The following LRRTM4 variants were observed in gnomAD, a reference collection of about 807,000 sequenced individuals.
LRRTM4 encodes leucine-rich repeat transmembrane neuronal protein 4.
A neutral mutation model predicts 47.6 loss-of-function variants in LRRTM4; 25 were observed. The ratio of observed to expected loss-of-function variants is 0.53; its 90% CI spans 0.38 to 0.73. The LOEUF (loss-of-function observed/expected upper bound fraction) is 0.73. Ranked by LOEUF, LRRTM4 falls within the 30% of genes least tolerant of loss-of-function variation. LRRTM4 has a pLI of 0.00. For missense variants in LRRTM4, 638 were observed against 713.4 expected (o/e 0.89, Z 1.20); for synonymous variants, 311 against 269.5 (o/e 1.15, Z -1.51).
intron 3 of LRRTM4, among the ~76,000 whole-genome samples, chr2:77,115,323 T>A (rs998865891): frequency 3.9e-5 from 6 of 152,190 alleles, no homozygotes; most frequent in Admixed American, 3.3e-4. Context: ...CAGGGTGCAC[T>A]GGTTTCATAT....
At chr2:76,821,745 G>A (rs1384827330) in intron 3 of LRRTM4, among the ~76,000 whole-genome samples, 1 of 151,710 alleles carries the variant, frequency 6.6e-6, no homozygotes, top group Non-Finnish European at 1.5e-5. Context: ...ATCCCAGCAG[G>A]GGGAATGAAA....
At chr2:77,005,553 C>T (rs904816491) in intron 3 of LRRTM4, among the ~76,000 whole-genome samples, 11 of 152,136 alleles carry the variant, frequency 7.2e-5, no homozygotes, top group African/African-American at 2.4e-4. Flanking sequence ...TAATAATCCC[C>T]ACATGTCATG....
At chr2:77,119,634 C>T (rs750149835) in intron 3 of LRRTM4, among the ~76,000 whole-genome samples, 2 of 151,670 alleles carry the variant, frequency 1.3e-5, no homozygotes, top group East Asian at 3.9e-4. Context: ...AGCTTACTTC[C>T]TATAAACAAA....
At chr2:76,922,421 C>T (rs1348234086) in intron 3 of LRRTM4, among the ~76,000 whole-genome samples, 1 of 151,988 alleles carries the variant, frequency 6.6e-6, no homozygotes, top group Non-Finnish European at 1.5e-5. Flanking sequence ...ACAATCAGAT[C>T]TTATGAGAAC....
chr2:77,036,802 C>A (rs939436845), intron 3 of LRRTM4, among the ~76,000 whole-genome samples: 2 of 151,662 alleles, frequency 1.3e-5, no homozygotes, highest in Admixed American at 6.6e-5. Context: ...GTAACTGAAG[C>A]AAAAATGTGG....
intron 3 of LRRTM4, among the ~76,000 whole-genome samples, chr2:77,004,796 C>G (rs141982443): frequency 1.3e-5 from 2 of 152,284 alleles, no homozygotes; most frequent in African/African-American, 2.4e-5. Context: ...AGGAGCGAAG[C>G]TGCCCAAGGT....
At chr2:76,760,926 G>T (rs1388611223) in intron 3 of LRRTM4, among the ~76,000 whole-genome samples, 1 of 152,158 alleles carries the variant, frequency 6.6e-6, no homozygotes, top group Non-Finnish European at 1.5e-5. Flanking sequence ...TAGAGCAGTG[G>T]TTCTCAGTCC....
intron 3 of LRRTM4, among the ~76,000 whole-genome samples, chr2:77,515,778 T>G (rs1679183488): frequency 1.3e-5 from 2 of 151,838 alleles, no homozygotes; most frequent in Non-Finnish European, 2.9e-5. Flanking sequence ...GGCTCTATTT[T>G]GTAGAGAGAT....
At chr2:77,250,556 T>C (rs1312016348) in intron 3 of LRRTM4, among the ~76,000 whole-genome samples, 1 of 152,226 alleles carries the variant, frequency 6.6e-6, no homozygotes, top group Non-Finnish European at 1.5e-5. Context: ...AATTTATATG[T>C]ACATAAACAG....
chr2:76,759,914 C>A (rs1558635715), intron 3 of LRRTM4, among the ~76,000 whole-genome samples: 1 of 152,114 alleles, frequency 6.6e-6, no homozygotes, highest in Non-Finnish European at 1.5e-5. Context: ...TTCTTCATAG[C>A]ATTTTTTTAA....
In LRRTM4 at chr2:77,518,727, G is replaced by A. The variant is rs1679339807; in HGVS notation, c.1142C>T (p.Pro381Leu). 6.2e-7 allele frequency: 1 copy of A among 1,613,386 alleles called. No individual in the cohort carries two copies. The highest frequency in any genetic ancestry group is 2.2e-5 in the East Asian group (1 of 44,852). The change falls in exon 3 of 4, where the codon CCT (proline) becomes CTT (leucine). Residue 381 changes from proline to leucine, a missense_variant. Pro to Leu is a moderately conservative substitution (Grantham distance 98). Coordinates refer to ENST00000409884, the MANE Select transcript of LRRTM4 (RefSeq NM_001134745.3). Reference sequence around the variant, plus strand: ...GATGGTAGGTCTAGGGATAATCAGAGGTTTCTGGGGAGTTTGGGGCACCAG... The same window carrying A: ...GATGGTAGGTCTAGGGATAATCAGAAGTTTCTGGGGAGTTTGGGGCACCAG... The part of the protein sequence containing the change: ...SHLVPQTPQK[P>L]LIIPRPTIFK...
At chr2:77,013,294 G>A (rs1363228053) in intron 3 of LRRTM4, among the ~76,000 whole-genome samples, 1 of 152,130 alleles carries the variant, frequency 6.6e-6, no homozygotes, top group Non-Finnish European at 1.5e-5. Flanking sequence ...AGCAGATGTG[G>A]TGCTGTGATA....
chr2:77,241,296 G>T (rs1322958990), intron 3 of LRRTM4, among the ~76,000 whole-genome samples: 3 of 151,452 alleles, frequency 2.0e-5, no homozygotes, highest in Non-Finnish European at 4.4e-5. Flanking sequence ...TTTGACGATC[G>T]CACAAAGGTA....
At chr2:76,935,402 C>A (rs924192449) in intron 3 of LRRTM4, among the ~76,000 whole-genome samples, 3 of 152,030 alleles carry the variant, frequency 2.0e-5, no homozygotes, top group Non-Finnish European at 4.4e-5. Context: ...TCAATGGTAG[C>A]TTGATGGGAA....
intron 3 of LRRTM4, among the ~76,000 whole-genome samples, chr2:77,446,629 A>G (rs1293821762): frequency 6.6e-6 from 1 of 152,088 alleles, no homozygotes; most frequent in African/African-American, 2.4e-5. Context: ...AAGATCGAAC[A>G]TCAGCCACAC....
At chr2:76,943,525 A>C (rs1675221872) in intron 3 of LRRTM4, among the ~76,000 whole-genome samples, 1 of 152,198 alleles carries the variant, frequency 6.6e-6, no homozygotes, top group Non-Finnish European at 1.5e-5. Context: ...CACTGGCAAC[A>C]GTTATTGTGC....
At chr2:77,249,681 A>G (rs752316785) in intron 3 of LRRTM4, among the ~76,000 whole-genome samples, 43 of 152,218 alleles carry the variant, frequency 2.8e-4, no homozygotes, top group Non-Finnish European at 1.2e-4. Context: ...TGCTGGCAGG[A>G]ATGTGGTGGA....
chr2:76,813,047 C>T lies in LRRTM4; in HGVS notation c.1552-64131G>A, dbSNP rs11898537. 2.6e-3 allele frequency among the ~76,000 whole-genome samples: 390 copies of T among 151,876 alleles called. 2 individuals are homozygous for T. The highest frequency in any genetic ancestry group is 9.0e-3 in the African/African-American group (374 of 41,368). ...GGCATGGTGGTGGGCACCCGTAATC[C>T]CAGCTACTTGGGAGACTGAGGCAGG... On this transcript the variant is annotated intron_variant, in intron 3 of 3. Coordinates refer to ENST00000409884, the MANE Select transcript of LRRTM4 (RefSeq NM_001134745.3).
intron 3 of LRRTM4, among the ~76,000 whole-genome samples, chr2:77,161,415 G>A (rs1672724438): frequency 6.6e-6 from 1 of 152,128 alleles, no homozygotes; most frequent in African/African-American, 2.4e-5. Context: ...GCCTCAGCGA[G>A]GTGGCTTTGA....
Sources: allele counts gnomAD v4.1 joint callset (sites outside exome capture counted in the v4.1 genomes callset), GRCh38; gene constraint gnomAD v4.1.1; transcripts MANE v1.5; gene names NCBI Gene and HGNC (gene_info 2026-07-23, HGNC 2026-07-21).